The following SIMC1 variants were observed in gnomAD, a reference collection of about 807,000 sequenced individuals.
SIMC1 encodes the protein SUMO interacting motifs containing 1, also known as SUMO-interacting motif-containing protein 1.
A neutral mutation model predicts 82.3 loss-of-function variants in SIMC1; 55 were observed. That is an observed-to-expected ratio of 0.67 (90% CI 0.54 to 0.84). The LOEUF (loss-of-function observed/expected upper bound fraction) is 0.84. Ranked by LOEUF, SIMC1 falls within the 40% of genes least tolerant of loss-of-function variation. The pLI, the probability that SIMC1 is intolerant of heterozygous loss-of-function variation, is 0.00. For synonymous variants in SIMC1, 353 were observed against 426.3 expected (o/e 0.83, Z 2.12); for missense variants, 915 against 1,107.2 (o/e 0.83, Z 2.46).
intron 1 of SIMC1, among the ~76,000 whole-genome samples, chr5:176,283,895 C>T (rs1269916045): frequency 2.6e-5 from 4 of 152,136 alleles, no homozygotes; most frequent in African/African-American, 9.7e-5. Context: ...ATAAAACAGA[C>T]TTTAAAGCAA....
At chr5:176,278,944 T>C (rs955952146) in intron 1 of SIMC1, among the ~76,000 whole-genome samples, 1 of 152,292 alleles carries the variant, frequency 6.6e-6, no homozygotes, top group East Asian at 1.9e-4. Context: ...GGCTTTGTTA[T>C]CAGAATGATG....
intron 9 of SIMC1, among the ~76,000 whole-genome samples, chr5:176,344,793 A>T (rs1394177673): frequency 6.6e-6 from 1 of 152,190 alleles, no homozygotes; most frequent in Non-Finnish European, 1.5e-5. Flanking sequence ...CCCACCTCCA[A>T]CATCAGGGAT....
rs746550637 is a variant in SIMC1 at position 176,337,054 on chromosome 5, CT to C, written c.2329-7del. On this transcript the variant is annotated splice_polypyrimidine_tract_variant and splice_region_variant and intron_variant, in intron 8 of 9. Coordinates refer to ENST00000429602, the MANE Select transcript of SIMC1 (RefSeq NM_001308195.2). ...ATTTATTATCAATCCATTTTACTAT[CT>C]CTGCAGTCAGATAAAAGCCAGTGGC... is the stretch of plus-strand genomic sequence containing the variant. The C allele has an allele frequency of 1.2e-6, 2 of 1,613,548 alleles. No individual in the cohort carries two copies. The highest frequency in any genetic ancestry group is 1.7e-6 in the Non-Finnish European group (2 of 1,179,656).
At chr5:176,303,388 C>A (rs187171150) in intron 4 of SIMC1, among the ~76,000 whole-genome samples, 2 of 138,018 alleles carry the variant, frequency 1.4e-5, no homozygotes, top group Non-Finnish European at 3.0e-5. Context: ...AGTGTGATGG[C>A]GCAATCTCAG....
intron 4 of SIMC1, chr5:176,313,489 G>A: frequency 6.4e-7 from 1 of 1,552,300 alleles, no homozygotes; most frequent in African/African-American, 1.4e-5. Flanking sequence ...TATAAGGTAT[G>A]ATTTTTTTCA....
At chr5:176,245,367 A>G (rs369273415) in intron 1 of SIMC1, among the ~76,000 whole-genome samples, 5,435 of 152,210 alleles carry the variant, frequency 0.036, 186 homozygotes, top group Admixed American at 0.11. Flanking sequence ...GGCATGAAAC[A>G]GATTCTTCCC....
Position 176,295,111 on chromosome 5 carries a change from G to C in SIMC1, c.1513G>C (p.Gly505Arg), listed in dbSNP as rs746254659. 2 of 1,613,542 alleles carry C rather than the reference G, an allele frequency of 1.2e-6. No individual in the cohort carries two copies. The highest frequency in any genetic ancestry group is 1.7e-6 in the Non-Finnish European group (2 of 1,179,680). ...TNTIEENFPL[G>R]TVQFLMDFVS... The stretch of plus-strand genomic sequence containing the variant: ...TACCATTGAAGAGAATTTTCCTCTG[G>C]GGACTGTGCAGTTTTTGATGGACTT... The change falls in exon 3 of 10, where the codon GGG becomes CGG. Residue 505 changes from glycine (G) to arginine (R), a missense_variant. By Grantham distance (125) the Gly-to-Arg change is moderately radical. Transcript: ENST00000429602.
intron 1 of SIMC1, among the ~76,000 whole-genome samples, chr5:176,286,828 A>G (rs1257246811): frequency 6.6e-5 from 10 of 152,258 alleles, no homozygotes; most frequent in African/African-American, 2.4e-4. Context: ...ATATATGAAC[A>G]GATACTTCTC....
At chr5:176,339,292 A>G (rs1766031254) in intron 9 of SIMC1, among the ~76,000 whole-genome samples, 2 of 152,072 alleles carry the variant, frequency 1.3e-5, no homozygotes, top group South Asian at 4.1e-4. Flanking sequence ...TGAACCCGGG[A>G]GGTGGAGGTT....
chr5:176,331,253 C>T (rs1384471809), intron 7 of SIMC1, among the ~76,000 whole-genome samples: 1 of 151,876 alleles, frequency 6.6e-6, no homozygotes, highest in Non-Finnish European at 1.5e-5. Context: ...CCCTGTAGTC[C>T]CAGCTACTCG....
intron 2 of SIMC1, among the ~76,000 whole-genome samples, chr5:176,292,474 T>C (rs1763624695): frequency 6.6e-6 from 1 of 152,116 alleles, no homozygotes; most frequent in South Asian, 2.1e-4. Context: ...TTTCTCTTTT[T>C]TAAAATTATT....
intron 1 of SIMC1, among the ~76,000 whole-genome samples, chr5:176,272,246 G>T (rs1335503508): frequency 6.7e-6 from 1 of 148,664 alleles, no homozygotes; most frequent in East Asian, 2.0e-4. Flanking sequence ...ATAGGAGGCT[G>T]AGGTCATAGG....
intron 1 of SIMC1, among the ~76,000 whole-genome samples, chr5:176,277,042 G>C (rs201658499): frequency 0.58 from 87,613 of 149,972 alleles, 25,914 homozygotes; most frequent in Middle Eastern, 0.63. Context: ...CACAATGGTT[G>C]AACTAGTTTA....
intron 1 of SIMC1, among the ~76,000 whole-genome samples, chr5:176,262,753 C>T (rs748513465): frequency 1.3e-5 from 2 of 152,072 alleles, no homozygotes; most frequent in African/African-American, 2.4e-5. Flanking sequence ...TGCAATGAGC[C>T]GAGATTGCAC....
rs1761870116 is a variant in SIMC1 at position 176,257,059 on chromosome 5, T to C, written c.129+18422T>C. 2.0e-5 allele frequency among the ~76,000 whole-genome samples: 3 copies of C among 151,760 alleles called. No homozygotes were observed. The South Asian group carries it at 6.3e-4, about 32-fold the overall frequency. On this transcript the variant is annotated intron_variant, in intron 1 of 9. Transcript: ENST00000429602. Reference sequence around the variant, plus strand: ...TGTGTGAGCCACCACACCTGGCCCGTAACATATTTTTATACCAAATTATTT... The same window carrying C: ...TGTGTGAGCCACCACACCTGGCCCGCAACATATTTTTATACCAAATTATTT...
At chr5:176,251,315 G>A (rs1216580219) in intron 1 of SIMC1, among the ~76,000 whole-genome samples, 1 of 152,190 alleles carries the variant, frequency 6.6e-6, no homozygotes, top group Non-Finnish European at 1.5e-5. Context: ...AGCCAAGGTC[G>A]TGCCACTGCA....
intron 7 of SIMC1, among the ~76,000 whole-genome samples, chr5:176,334,017 T>G (rs910437184): frequency 6.6e-6 from 1 of 152,104 alleles, no homozygotes; most frequent in Non-Finnish European, 1.5e-5. Context: ...CAAGTCTTCA[T>G]CTAGTCACTC....
At position 176,296,300 on chromosome 5, in the gene SIMC1, A is replaced by T; in HGVS notation, c.1714A>T (p.Thr572Ser). ...AGTGGAGTGGGACTGGAAACTGCTC[A>T]CCTATGTCATGGAGGAAGAGGTAAC... Reference protein sequence around the residue: ...KTVEWDWKLLTYVMEEEGQTL... With the variant: ...KTVEWDWKLLSYVMEEEGQTL... The change falls in exon 4 of 10, where the codon ACC becomes TCC. Residue 572 changes from threonine (T) to serine (S), a missense_variant. This residue lies in a region of SIMC1 where 902 missense variants were observed against 1,040.3 expected (regional missense o/e 0.87). Transcript: ENST00000429602. 6.2e-7 allele frequency: 1 copy of T among 1,613,466 alleles called. No homozygotes were observed. The highest frequency in any genetic ancestry group is 8.5e-7 in the Non-Finnish European group (1 of 1,179,546).
chr5:176,310,020 A>G (rs1480230586), intron 4 of SIMC1, among the ~76,000 whole-genome samples: 2 of 152,224 alleles, frequency 1.3e-5, no homozygotes, highest in Non-Finnish European at 2.9e-5. Flanking sequence ...GGTTCACTGA[A>G]GAGGATCTAT....
Sources: gnomAD v4.1 joint callset for allele counts (sites outside exome capture counted in the v4.1 genomes callset) on GRCh38, gnomAD v4.1.1 for gene constraint, gnomAD v4.1.1 regional missense constraint, MANE v1.5 for transcripts, NCBI Gene and HGNC (gene_info 2026-07-23, HGNC 2026-07-21) for gene names.